Variants in NRP1 observed in about 807,000 individuals in gnomAD.
NRP1 encodes neuropilin-1.
Under a neutral mutation model 106.7 loss-of-function variants are expected in NRP1, and 35 were observed. That is an observed-to-expected ratio of 0.33 (90% CI 0.25 to 0.43). The LOEUF is 0.43. NRP1 is among the 20% of genes least tolerant of loss of function. NRP1 has a pLI of 1.00. For synonymous variants in NRP1, 437 were observed against 417.9 expected (o/e 1.05, Z -0.56); for missense variants, 1,024 against 1,170.4 (o/e 0.87, Z 1.83).
intron 2 of NRP1, among the ~76,000 whole-genome samples, chr10:33,299,652 G>T (rs1200501941): frequency 6.6e-6 from 1 of 152,094 alleles, no homozygotes; most frequent in Non-Finnish European, 1.5e-5. Context: ...TGGTTTTAGT[G>T]GCACGCACTT....
intron 6 of NRP1, among the ~76,000 whole-genome samples, chr10:33,242,743 G>A (rs1277414278): frequency 6.6e-6 from 1 of 152,090 alleles, no homozygotes; most frequent in Non-Finnish European, 1.5e-5. Flanking sequence ...TTGCCTTTGG[G>A]TCTACCTGGG....
chr10:33,193,171 GAAT>G (rs1836534796), intron 12 of NRP1, among the ~76,000 whole-genome samples: 1 of 151,752 alleles, frequency 6.6e-6, no homozygotes, highest in Non-Finnish European at 1.5e-5. Flanking sequence ...GCTTCCTTAG[GAAT>G]CTGAAAAGAC....
At chr10:33,320,338 G>A (rs1055451241) in intron 2 of NRP1, among the ~76,000 whole-genome samples, 79 of 150,770 alleles carry the variant, frequency 5.2e-4, no homozygotes, top group Non-Finnish European at 2.2e-4. Flanking sequence ...AGCCTGCACC[G>A]GGACCCAGTC....
rs1225448696 is a variant in NRP1 at position 33,177,807 on chromosome 10, G to A, written c.*2269C>T. 1 of 152,286 alleles carries A rather than the reference G, an allele frequency of 6.6e-6. No homozygotes were observed. The highest frequency in any genetic ancestry group is 1.5e-5 in the Non-Finnish European group (1 of 67,948). 9.4% of individuals were successfully genotyped at this position (152,286 alleles called of 1,614,324 possible). Reference sequence around the variant, plus strand: ...AGAAAGTTTTATAGATTTCCATAAAGAAAAAATATGTTATTTTACACCTTT... The same window carrying A: ...AGAAAGTTTTATAGATTTCCATAAAAAAAAAATATGTTATTTTACACCTTT... On this transcript the variant is annotated 3_prime_UTR_variant, in exon 17 of 17. Coordinates refer to ENST00000374867, the MANE Select transcript of NRP1 (RefSeq NM_003873.7).
chr10:33,279,326 G>A lies in NRP1; in HGVS notation c.249-8470C>T, dbSNP rs567069489. ...TGTTGGCTGGGCTGCAGTCTCATCC[G>A]AAGCTGGGGATCCTCCTGGAAGCTC... is the stretch of plus-strand genomic sequence containing the variant. On this transcript the variant is annotated intron_variant, in intron 2 of 16. Transcript: ENST00000374867. Among the ~76,000 whole-genome samples, 151 of 152,268 alleles carry A rather than the reference G, an allele frequency of 9.9e-4. 1 individual carries two copies. The highest frequency in any genetic ancestry group is 3.1e-3 in the African/African-American group (129 of 41,544).
At chr10:33,242,448 G>T (rs954900835) in intron 6 of NRP1, among the ~76,000 whole-genome samples, 1 of 152,132 alleles carries the variant, frequency 6.6e-6, no homozygotes, top group African/African-American at 2.4e-5. Context: ...GACTGGCAAT[G>T]ATTAGTTTTG....
At chr10:33,289,036 A>G (rs1844791254) in intron 2 of NRP1, among the ~76,000 whole-genome samples, 1 of 152,306 alleles carries the variant, frequency 6.6e-6, no homozygotes, top group South Asian at 2.1e-4. Context: ...TGAACCTGCA[A>G]GAGAAACTAA....
At chr10:33,222,502 T>G (rs182093735) in intron 7 of NRP1, among the ~76,000 whole-genome samples, 4,777 of 107,060 alleles carry the variant, frequency 0.045, 117 homozygotes, top group East Asian at 0.33. Context: ...CGTCAAGATT[T>G]ATTTATTTAT....
intron 4 of NRP1, among the ~76,000 whole-genome samples, chr10:33,257,105 A>C (rs888113037): frequency 1.3e-5 from 2 of 152,232 alleles, no homozygotes; most frequent in Non-Finnish European, 2.9e-5. Context: ...AACCATGTAA[A>C]AAGTTGGAGA....
Position 33,186,250 on chromosome 10 carries a change from A to G in NRP1, c.2301T>C (p.Arg767=). 1 of 1,612,486 alleles carries G rather than the reference A, an allele frequency of 6.2e-7. No individual in the cohort carries two copies. The highest frequency in any genetic ancestry group is 8.5e-7 in the Non-Finnish European group (1 of 1,178,872). The change falls in exon 14 of 17, where the codon CGT becomes CGC. Residue 767 remains arginine (R), a synonymous_variant. Transcript: ENST00000374867. ...GTTTCAGAGACTTGTGGAGCAAGAC[A>G]CGCCCTTCCTTCCAGTGGTCACCTT... ...GHQGDHWKEG[R]VLLHKSLKLY...
At chr10:33,296,372 GA>G (rs1845385943) in intron 2 of NRP1, among the ~76,000 whole-genome samples, 1 of 152,030 alleles carries the variant, frequency 6.6e-6, no homozygotes, top group Non-Finnish European at 1.5e-5. Context: ...GTGGTTTTAG[GA>G]AAAAGTACTC....
At chr10:33,244,668 A>G (rs1307058025) in intron 6 of NRP1, among the ~76,000 whole-genome samples, 1 of 152,194 alleles carries the variant, frequency 6.6e-6, no homozygotes, top group East Asian at 1.9e-4. Flanking sequence ...CTTTCCCATG[A>G]AAAGATAAGT....
chr10:33,181,615 C>T (rs765044876), intron 16 of NRP1, among the ~76,000 whole-genome samples: 2 of 152,216 alleles, frequency 1.3e-5, no homozygotes, highest in African/African-American at 2.4e-5. Context: ...TAATACCAGG[C>T]AAGGCCTAAC....
At position 33,179,031 on chromosome 10, in the gene NRP1, A is replaced by G. The variant is rs1280421342; in HGVS notation, c.*1045T>C. The G allele has an allele frequency of 6.6e-6, 1 of 152,664 alleles. No individual in the cohort carries two copies. The highest frequency in any genetic ancestry group is 1.5e-5 in the Non-Finnish European group (1 of 68,048). The allele number at this position is 152,664 out of a possible 1,614,324, so 9.5% of individuals were successfully genotyped here. On this transcript the variant is annotated 3_prime_UTR_variant, in exon 17 of 17. Coordinates refer to ENST00000374867, the MANE Select transcript of NRP1 (RefSeq NM_003873.7). ...GAGAGATAGGAGAGAGAAAGAGAAG[A>G]GAGTTTACATTTGAAAATACATTCC...
At chr10:33,252,121 A>G (rs1166614008) in intron 6 of NRP1, among the ~76,000 whole-genome samples, 1 of 152,164 alleles carries the variant, frequency 6.6e-6, no homozygotes, top group Non-Finnish European at 1.5e-5. Flanking sequence ...GGAAGAAGGC[A>G]CAAGTGGCTG....
chr10:33,294,963 T>C (rs1046153458), intron 2 of NRP1, among the ~76,000 whole-genome samples: 1 of 152,206 alleles, frequency 6.6e-6, no homozygotes, highest in Non-Finnish European at 1.5e-5. Flanking sequence ...TACATCAACT[T>C]TGGGCAATGG....
chr10:33,252,250 C>G (rs1030894795), intron 6 of NRP1, among the ~76,000 whole-genome samples: 1 of 152,144 alleles, frequency 6.6e-6, no homozygotes, highest in Non-Finnish European at 1.5e-5. Context: ...CCGGCTCCCC[C>G]AGCAATAAAA....
At chr10:33,333,854 C>T (rs1019998387) in intron 1 of NRP1, among the ~76,000 whole-genome samples, 2 of 152,130 alleles carry the variant, frequency 1.3e-5, no homozygotes, top group African/African-American at 4.8e-5. Flanking sequence ...CATCAACCCA[C>T]AAACCGATAT....
intron 11 of NRP1, among the ~76,000 whole-genome samples, chr10:33,199,407 T>A (rs1362218696): frequency 2.6e-4 from 27 of 104,650 alleles, no homozygotes; most frequent in African/African-American, 5.4e-4. Context: ...TTTTTTTTTT[T>A]TTTTTTTTTT....
Sources: gnomAD v4.1 joint callset for allele counts (sites outside exome capture counted in the v4.1 genomes callset) on GRCh38, gnomAD v4.1.1 for gene constraint, MANE v1.5 for transcripts, NCBI Gene and HGNC (gene_info 2026-07-23, HGNC 2026-07-21) for gene names.